The following RBFOX3 variants were observed in gnomAD, a reference collection of about 807,000 sequenced individuals.
RBFOX3 encodes RNA binding protein fox-1 homolog 3.
Under a neutral mutation model 48.7 loss-of-function variants are expected in RBFOX3, and 17 were observed. That is an observed-to-expected ratio of 0.35 (90% CI 0.24 to 0.52). The LOEUF is 0.52. Ranked by LOEUF, RBFOX3 falls within the 20% of genes least tolerant of loss-of-function variation. The pLI is 0.94. For missense variants in RBFOX3, 382 were observed against 497.5 expected (o/e 0.77, Z 2.21); for synonymous variants, 212 against 209.5 (o/e 1.01, Z -0.10).
chr17:79,255,615 C>T (rs1022941570), intron 3 of RBFOX3, among the ~76,000 whole-genome samples: 6 of 152,162 alleles, frequency 3.9e-5, no homozygotes, highest in African/African-American at 1.4e-4. Context: ...CTGGCGACCG[C>T]GTCTCCCAGG....
At chr17:79,441,050 G>A (rs2070801629) in intron 2 of RBFOX3, among the ~76,000 whole-genome samples, 2 of 152,258 alleles carry the variant, frequency 1.3e-5, no homozygotes, top group South Asian at 4.1e-4. Context: ...TGGGGGTGCA[G>A]GGAGAGGATG....
chr17:79,259,396 C>T (rs964122279), intron 3 of RBFOX3, among the ~76,000 whole-genome samples: 4 of 152,196 alleles, frequency 2.6e-5, no homozygotes, highest in African/African-American at 9.7e-5. Context: ...GTGAGGGCAG[C>T]TGCCTGTACC....
chr17:79,538,533 G>C (rs1445113322), intron 1 of RBFOX3, among the ~76,000 whole-genome samples: 2 of 152,228 alleles, frequency 1.3e-5, no homozygotes, highest in Non-Finnish European at 2.9e-5. Flanking sequence ...CTGGAGCTGA[G>C]CTTTCCCTAG....
At chr17:79,224,868 A>C (rs1256483423) in intron 4 of RBFOX3, among the ~76,000 whole-genome samples, 4 of 152,236 alleles carry the variant, frequency 2.6e-5, no homozygotes, top group Non-Finnish European at 5.9e-5. Flanking sequence ...TAGTCTTGTT[A>C]CATTTAGTGA....
chr17:79,371,517 A>G (rs970520847), intron 2 of RBFOX3, among the ~76,000 whole-genome samples: 2 of 152,100 alleles, frequency 1.3e-5, no homozygotes, highest in Admixed American at 1.3e-4. Flanking sequence ...TTGGCTCCTG[A>G]AGGCAGAGCA....
intron 3 of RBFOX3, among the ~76,000 whole-genome samples, chr17:79,246,545 G>T (rs747911404): frequency 1.2e-4 from 19 of 152,230 alleles, no homozygotes; most frequent in Non-Finnish European, 2.5e-4. Flanking sequence ...ACAGAGTTCA[G>T]CAATGATGGT....
intron 3 of RBFOX3, among the ~76,000 whole-genome samples, chr17:79,275,507 C>T (rs990204816): frequency 6.6e-6 from 1 of 152,176 alleles, no homozygotes; most frequent in Non-Finnish European, 1.5e-5. Context: ...ACCCACATCC[C>T]CAATACCTGG....
intron 2 of RBFOX3, among the ~76,000 whole-genome samples, chr17:79,396,743 T>C (rs2062037855): frequency 1.3e-5 from 2 of 152,234 alleles, no homozygotes; most frequent in South Asian, 4.1e-4. Flanking sequence ...GGCCCCAGGC[T>C]GTGGGCAGGA....
At chr17:79,492,376 A>G (rs2149613294) in intron 1 of RBFOX3, among the ~76,000 whole-genome samples, 1 of 152,340 alleles carries the variant, frequency 6.6e-6, no homozygotes, top group Non-Finnish European at 1.5e-5. Context: ...GTGAAGGTTC[A>G]TCAATTCTAA....
rs1442153063 is a variant in RBFOX3 at position 79,220,094 on chromosome 17, G to A, written c.-34+15672C>T. ...CTGGGAAGGCACGGGGTGGGGGGGTGGGGGGAGCACGCTGAGCTTCCCAAC... is the reference window on the plus strand; with the variant it reads ...CTGGGAAGGCACGGGGTGGGGGGGTAGGGGGAGCACGCTGAGCTTCCCAAC... On this transcript the variant is annotated intron_variant, in intron 4 of 14. Coordinates refer to ENST00000693108, the MANE Select transcript of RBFOX3 (RefSeq NM_001350451.2). The surrounding 1 kb of genome is among the most constrained non-coding windows in gnomAD (Gnocchi z 5.9). Among the ~76,000 whole-genome samples, 1 of 150,030 alleles carries A rather than the reference G, an allele frequency of 6.7e-6. No homozygotes were observed. The highest frequency in any genetic ancestry group is 1.5e-5 in the Non-Finnish European group (1 of 67,494).
intron 1 of RBFOX3, among the ~76,000 whole-genome samples, chr17:79,560,946 G>A (rs1433467397): frequency 6.6e-6 from 1 of 152,138 alleles, no homozygotes; most frequent in Non-Finnish European, 1.5e-5. Flanking sequence ...CCAAGACCAC[G>A]TGTGTAATAA....
At chr17:79,434,431 GA>G (rs2069018752) in intron 2 of RBFOX3, among the ~76,000 whole-genome samples, 1 of 152,216 alleles carries the variant, frequency 6.6e-6, no homozygotes, top group Non-Finnish European at 1.5e-5. Flanking sequence ...TGAAGACCCA[GA>G]GAACCCATGC....
chr17:79,361,198 A>G lies in RBFOX3; in HGVS notation c.-174-53374T>C, dbSNP rs895300283. Among the ~76,000 whole-genome samples the G allele has an allele frequency of 2.6e-5, 4 of 151,974 alleles. No homozygotes were observed. Among genetic ancestry groups the G allele is most frequent in the Non-Finnish European group, 4.4e-5 (3 of 67,992 alleles). ...ATCAGGCTGTTCCCCAGACCCACCC[A>G]TCTGCAGACAATTTCTCCTGGACCA... On this transcript the variant is annotated intron_variant, in intron 2 of 14. Coordinates refer to ENST00000693108, the MANE Select transcript of RBFOX3 (RefSeq NM_001350451.2). This position sits in a 1 kb window ranked among gnomAD's most constrained non-coding sequence, Gnocchi z 4.5.
intron 4 of RBFOX3, among the ~76,000 whole-genome samples, chr17:79,227,301 C>G (rs1025656699): frequency 3.3e-5 from 5 of 152,224 alleles, no homozygotes. Flanking sequence ...CAGGTTGGGC[C>G]TCAGTTTCGG....
intron 4 of RBFOX3, among the ~76,000 whole-genome samples, chr17:79,218,386 T>C (rs1251177478): frequency 6.6e-6 from 1 of 152,126 alleles, no homozygotes; most frequent in Non-Finnish European, 1.5e-5. Context: ...GCCGGGGATC[T>C]GGCTCCTGGG....
intron 3 of RBFOX3, among the ~76,000 whole-genome samples, chr17:79,264,328 G>A (rs1013506429): frequency 2.6e-5 from 4 of 151,472 alleles, no homozygotes; most frequent in Non-Finnish European, 4.4e-5. Flanking sequence ...CATGTGCGTC[G>A]CCCTCCCAAA....
chr17:79,157,150 G>A (rs73397986), intron 4 of RBFOX3, among the ~76,000 whole-genome samples: 4,226 of 152,276 alleles, frequency 0.028, 178 homozygotes, highest in African/African-American at 0.095. Flanking sequence ...ACACCTCCCT[G>A]CTCTCTCCTT....
intron 1 of RBFOX3, chr17:79,598,342 G>GCA (rs1426589346): frequency 6.6e-6 from 1 of 151,978 alleles, no homozygotes; most frequent in African/African-American, 2.4e-5. Flanking sequence ...TCATGCACAT[G>GCA]CACACACATA....
At chr17:79,184,279 T>C (rs921601393) in intron 4 of RBFOX3, among the ~76,000 whole-genome samples, 7 of 152,188 alleles carry the variant, frequency 4.6e-5, no homozygotes, top group African/African-American at 1.7e-4. Flanking sequence ...CCTGGTCTTG[T>C]GGCTACTTAG....
Sources: allele counts gnomAD v4.1 joint callset (sites outside exome capture counted in the v4.1 genomes callset), GRCh38; gene constraint gnomAD v4.1.1; non-coding constraint Gnocchi (gnomAD v3.1); transcripts MANE v1.5; gene names NCBI Gene and HGNC (gene_info 2026-07-23, HGNC 2026-07-21).